The following GPR161 variants were observed in gnomAD, a reference collection of about 807,000 sequenced individuals.
The protein encoded by GPR161 is G-protein coupled receptor RE2.
Under a neutral mutation model 39.2 loss-of-function variants are expected in GPR161, and 25 were observed. The ratio of observed to expected loss-of-function variants is 0.64; its 90% CI spans 0.47 to 0.89. GPR161 has a LOEUF of 0.89. Ranked by LOEUF, GPR161 falls within the 40% of genes least tolerant of loss-of-function variation. GPR161 has a pLI of 0.00. For synonymous variants in GPR161, 286 were observed against 276.6 expected (o/e 1.03, Z -0.34); for missense variants, 547 against 677.8 (o/e 0.81, Z 2.14).
chr1:168,105,745 A>C (rs1253836959), intron 1 of GPR161, among the ~76,000 whole-genome samples: 7 of 152,210 alleles, frequency 4.6e-5, no homozygotes, highest in African/African-American at 1.4e-4. Flanking sequence ...CTAAAGCCGC[A>C]GGTTGACACA....
intron 1 of GPR161, chr1:168,135,071 C>A: frequency 2.0e-6 from 3 of 1,477,548 alleles, no homozygotes; most frequent in South Asian, 1.3e-5. Context: ...GATATCGTTG[C>A]GGCCTTGGAT....
At chr1:168,087,463 G>T in intron 5 of GPR161, 122 bp downstream of exon 5, 1 of 1,158,144 alleles carries the variant, frequency 8.6e-7, no homozygotes, top group Non-Finnish European at 1.3e-6. Context: ...TAACCAGGGA[G>T]TGAGCAAAGG....
At chr1:168,110,461 T>A (rs1488035222) in intron 1 of GPR161, among the ~76,000 whole-genome samples, 1 of 135,710 alleles carries the variant, frequency 7.4e-6, no homozygotes, top group African/African-American at 2.8e-5. Context: ...ATCACACCAC[T>A]GCACTCCAGC....
chr1:168,099,183 C>T (rs566626792), intron 2 of GPR161, among the ~76,000 whole-genome samples: 12 of 152,246 alleles, frequency 7.9e-5, no homozygotes, highest in South Asian at 4.2e-4. Flanking sequence ...CCCTGGGGGG[C>T]GAACAAGCCC....
At chr1:168,089,880 G>C (rs1694887486) in intron 4 of GPR161, among the ~76,000 whole-genome samples, 1 of 152,258 alleles carries the variant, frequency 6.6e-6, no homozygotes, top group South Asian at 2.1e-4. Flanking sequence ...CAGACAAGGA[G>C]CAGCCCTGGG....
chr1:168,087,334 G>GTGT (rs1558085252), intron 5 of GPR161, among the ~76,000 whole-genome samples: 60 of 148,770 alleles, frequency 4.0e-4, no homozygotes, highest in African/African-American at 1.4e-3. Context: ...AACACGTGTG[G>GTGT]GTGTGTGTGT....
Position 168,084,099 on chromosome 1 carries a change from GGGA to G in GPR161, c.*1429_*1431del, listed in dbSNP as rs988616014. ...ACTTCAACTGCTGTTCCAGCACAAA[GGGA>G]GGAGAAGAGAGGTTTAACCATCCCA... On this transcript the variant is annotated 3_prime_UTR_variant, in exon 6 of 6. Transcript: ENST00000682931. 2 of 153,722 alleles carry G rather than the reference GGGA, an allele frequency of 1.3e-5. No individual in the cohort carries two copies. The highest frequency in any genetic ancestry group is 4.8e-5 in the African/African-American group (2 of 41,454). The allele number at this position is 153,722 out of a possible 1,614,324, so 9.5% of individuals were successfully genotyped here. A position where few individuals can be genotyped will look rare whatever the true frequency, so the allele number is the denominator to read the frequency against.
chr1:168,120,976 T>C (rs945052911), intron 1 of GPR161, among the ~76,000 whole-genome samples: 3 of 152,252 alleles, frequency 2.0e-5, no homozygotes, highest in Non-Finnish European at 4.4e-5. Context: ...CTTTATGTTA[T>C]GTGTATTTTA....
At chr1:168,124,922 C>T (rs540802996) in intron 1 of GPR161, among the ~76,000 whole-genome samples, 23 of 152,284 alleles carry the variant, frequency 1.5e-4, no homozygotes, top group Non-Finnish European at 2.5e-4. Flanking sequence ...CAGATGCTGG[C>T]GCCATGACTC....
At chr1:168,091,039 C>A (rs1218905360) in intron 3 of GPR161, among the ~76,000 whole-genome samples, 1 of 152,224 alleles carries the variant, frequency 6.6e-6, no homozygotes, top group African/African-American at 2.4e-5. Context: ...TGAAATCCTA[C>A]TTGAATTATC....
chr1:168,115,941 A>T (rs553528628), intron 1 of GPR161, among the ~76,000 whole-genome samples: 1 of 151,634 alleles, frequency 6.6e-6, no homozygotes, highest in Non-Finnish European at 1.5e-5. Context: ...ACGCCCGGCT[A>T]ATTTTTTTTG....
At chr1:168,117,506 C>G (rs185674087) in intron 1 of GPR161, among the ~76,000 whole-genome samples, 247 of 152,256 alleles carry the variant, frequency 1.6e-3, no homozygotes, top group Admixed American at 4.1e-3. Context: ...CTTAACCCCC[C>G]CCTGCATCAG....
chr1:168,095,954 G>A (rs1331691587), intron 3 of GPR161, among the ~76,000 whole-genome samples: 1 of 151,928 alleles, frequency 6.6e-6, no homozygotes, highest in Non-Finnish European at 1.5e-5. Context: ...AGCCAATATG[G>A]TGAAACCCGT....
intron 1 of GPR161, among the ~76,000 whole-genome samples, chr1:168,117,449 CAA>C (rs1697727579): frequency 6.6e-6 from 1 of 152,118 alleles, no homozygotes; most frequent in Non-Finnish European, 1.5e-5. Context: ...GCCTGGGTTC[CAA>C]ATCCCAGCTC....
At chr1:168,127,253 G>A (rs542659190) in intron 1 of GPR161, among the ~76,000 whole-genome samples, 1 of 152,274 alleles carries the variant, frequency 6.6e-6, no homozygotes, top group African/African-American at 2.4e-5. Flanking sequence ...GGGAGGCTGA[G>A]GCAGGTGGAT....
At chr1:168,087,351 G>A (rs533462591) in intron 5 of GPR161, among the ~76,000 whole-genome samples, 26 of 152,218 alleles carry the variant, frequency 1.7e-4, no homozygotes, top group African/African-American at 5.8e-4. Flanking sequence ...GTGTGTGTGT[G>A]TGTGTGTGGA....
In GPR161 at chr1:168,090,619, G is replaced by A; in HGVS notation, c.1149C>T (p.Pro383=). The stretch of plus-strand genomic sequence containing the variant: ...CCCCCGTGCTGCTGCTGTGCCCCAG[G>A]GGCTGTCCACCTGCCATGAGCGCAG... ...HLTALMAGGQ[P]LGHSSSTGDT... The change falls in exon 4 of 6, where the codon CCC becomes CCT. Residue 383 remains proline (P), a synonymous_variant. Transcript: ENST00000682931. The A allele has an allele frequency of 3.7e-6, 6 of 1,612,450 alleles. No homozygotes were observed. The highest frequency in any genetic ancestry group is 5.1e-6 in the Non-Finnish European group (6 of 1,179,158).
Position 168,096,745 on chromosome 1 carries a change from C to A in GPR161, c.862G>T (p.Val288Phe). Reference protein sequence around the residue: ...AFMVTWGPYMVVIASEALWGK... With the variant: ...AFMVTWGPYMFVIASEALWGK... ...CAGAGGGCCTCAGAGGCGATGACAACCATGTAGGGGCCCCAGGTGACCATG... is the reference window on the plus strand; with the variant it reads ...CAGAGGGCCTCAGAGGCGATGACAAACATGTAGGGGCCCCAGGTGACCATG... The change falls in exon 3 of 6, where the codon GTT becomes TTT. Residue 288 changes from valine (V) to phenylalanine (F), a missense_variant. By Grantham distance (50) the Val-to-Phe change is conservative. Coordinates refer to ENST00000682931, the MANE Select transcript of GPR161 (RefSeq NM_001375883.1). 6.2e-7 allele frequency: 1 copy of A among 1,614,080 alleles called. No individual in the cohort carries two copies. Among genetic ancestry groups the A allele is most frequent in the Non-Finnish European group, 8.5e-7 (1 of 1,180,018 alleles).
At chr1:168,126,988 T>TA (rs2102250612) in intron 1 of GPR161, among the ~76,000 whole-genome samples, 1 of 152,318 alleles carries the variant, frequency 6.6e-6, no homozygotes, top group South Asian at 2.1e-4. Context: ...GTGTGTCTCT[T>TA]AATCTCTCTG....
Sources: gnomAD v4.1 joint callset for allele counts (sites outside exome capture counted in the v4.1 genomes callset) on GRCh38, gnomAD v4.1.1 for gene constraint, MANE v1.5 for transcripts, NCBI Gene and HGNC (gene_info 2026-07-23, HGNC 2026-07-21) for gene names.